KLHL29: variants seen among roughly 807,000 people sequenced by gnomAD.
KLHL29 encodes kelch like family member 29, also known as kelch-like protein 29.
Under a neutral mutation model 80.4 loss-of-function variants are expected in KLHL29, and 21 were observed. The ratio of observed to expected loss-of-function variants is 0.26; its 90% CI spans 0.19 to 0.38. The LOEUF (loss-of-function observed/expected upper bound fraction) is 0.38, where lower values mean the gene tolerates loss of function less well. Among genes scored for constraint, KLHL29 ranks in the 10% least tolerant of loss-of-function variants. The pLI is 1.00. For missense variants in KLHL29, 867 were observed against 1,223.9 expected, an observed-to-expected ratio of 0.71 and a Z score of 4.35; for synonymous variants, 511 against 526.8, an observed-to-expected ratio of 0.97 and a Z score of 0.41.
intron 3 of KLHL29, among the ~76,000 whole-genome samples, chr2:23,614,816 G>A (rs1447784142): frequency 1.3e-5 from 2 of 152,160 alleles, no homozygotes; most frequent in Admixed American, 6.5e-5. Context: ...GGCAGGGTGG[G>A]CTGGTGTGTT....
At chr2:23,467,470 A>T (rs997937271) in intron 1 of KLHL29, among the ~76,000 whole-genome samples, 1 of 152,222 alleles carries the variant, frequency 6.6e-6, no homozygotes, top group African/African-American at 2.4e-5. Flanking sequence ...ATAACTCATC[A>T]TATTTGGGTA....
At chr2:23,644,998 T>G (rs1359454270) in intron 5 of KLHL29, among the ~76,000 whole-genome samples, 2 of 152,368 alleles carry the variant, frequency 1.3e-5, no homozygotes, top group African/African-American at 4.8e-5. Context: ...AAATTCCATG[T>G]AACTCGCTTC....
At chr2:23,520,672 CA>C in intron 2 of KLHL29, among the ~76,000 whole-genome samples, 1 of 152,304 alleles carries the variant, frequency 6.6e-6, no homozygotes, top group South Asian at 2.1e-4. Context: ...TACGTACTCC[CA>C]ACACTTTAAG....
At chr2:23,595,983 CAGA>C (rs1380470178) in intron 3 of KLHL29, among the ~76,000 whole-genome samples, 3 of 152,182 alleles carry the variant, frequency 2.0e-5, no homozygotes, top group African/African-American at 4.8e-5. Context: ...AGAAGCATTC[CAGA>C]AGGTTTTCAC....
At position 23,691,889 on chromosome 2, in the gene KLHL29, G is replaced by A. The variant is rs1159233612; in HGVS notation, c.1282+13G>A. 2 of 1,546,798 alleles carry A rather than the reference G, an allele frequency of 1.3e-6. No homozygotes were observed. Among genetic ancestry groups the A allele is most frequent in the Admixed American group, 2.0e-5 (1 of 50,992 alleles). Reference sequence around the variant, plus strand: ...GTGTCCTTTCTCGGTGAGCCCGGGGGCCACATATGTCGCTTGGGGGGAAGA... The same window carrying A: ...GTGTCCTTTCTCGGTGAGCCCGGGGACCACATATGTCGCTTGGGGGGAAGA... On this transcript the variant is annotated intron_variant, in intron 7 of 13. Transcript: ENST00000486442.
In KLHL29 at chr2:23,483,140, G is replaced by GT. The variant is rs375730267; in HGVS notation, c.-46+7474dup. ...CTAGGCATTGTTGTAGGCACCGGGG[G>GT]TATCACAGTGACCATATGAGATAAA... is the stretch of plus-strand genomic sequence containing the variant. On this transcript the variant is annotated intron_variant, in intron 2 of 13. Transcript: ENST00000486442. 4.5e-3 allele frequency among the ~76,000 whole-genome samples: 691 copies of GT among 152,258 alleles called. 7 individuals are homozygous for GT. The Middle Eastern group carries it at 0.068, about 15-fold the overall frequency.
At chr2:23,620,547 T>C (rs1490262342) in intron 3 of KLHL29, among the ~76,000 whole-genome samples, 1 of 151,922 alleles carries the variant, frequency 6.6e-6, no homozygotes, top group Non-Finnish European at 1.5e-5. Flanking sequence ...AACAGGGTGG[T>C]GAGGCCAGCT....
chr2:23,386,348 C>T (rs1445043364), intron 1 of KLHL29, among the ~76,000 whole-genome samples: 1 of 152,140 alleles, frequency 6.6e-6, no homozygotes, highest in African/African-American at 2.4e-5. Context: ...TTACTCAATC[C>T]CAAGTAACTT....
At chr2:23,493,171 A>C (rs554765860) in intron 2 of KLHL29, among the ~76,000 whole-genome samples, 79 of 152,090 alleles carry the variant, frequency 5.2e-4, no homozygotes, top group African/African-American at 1.9e-3. Flanking sequence ...GTTTGCCCCA[A>C]CCTGTTCTTG....
At chr2:23,517,176 C>T (rs1021699887) in intron 2 of KLHL29, among the ~76,000 whole-genome samples, 4 of 152,290 alleles carry the variant, frequency 2.6e-5, no homozygotes, top group East Asian at 1.9e-4. Flanking sequence ...TCCTCCAGCC[C>T]GGGGGTCTGC....
At chr2:23,533,213 G>A (rs886658036) in intron 2 of KLHL29, among the ~76,000 whole-genome samples, 1 of 152,188 alleles carries the variant, frequency 6.6e-6, no homozygotes, top group Non-Finnish European at 1.5e-5. Context: ...ATGTGTGAGT[G>A]TGTGCAGATC....
rs1314638634 is a variant in KLHL29, at chr2:23,706,599, C to G, written c.2563C>G (p.His855Asp). 2.0e-5 allele frequency: 30 copies of G among 1,537,194 alleles called. No individual in the cohort carries two copies. Among genetic ancestry groups the G allele is most frequent in the Non-Finnish European group, 2.4e-5 (28 of 1,146,842 alleles). ...AACCAACACATGGACCCTCCTCCCC[C>G]ACATGCCCTGCCCTGTGTTCAGACA... is the stretch of plus-strand genomic sequence containing the variant. ...PTTNTWTLLP[H>D]MPCPVFRHGC... The change falls in exon 14 of 14, where the codon CAC becomes GAC. Residue 855 changes from histidine (H) to aspartate (D), a missense_variant. His to Asp is a moderately conservative substitution (Grantham distance 81). Coordinates refer to ENST00000486442, the MANE Select transcript of KLHL29 (RefSeq NM_052920.2).
intron 1 of KLHL29, among the ~76,000 whole-genome samples, chr2:23,410,535 G>T (rs988108876): frequency 1.3e-5 from 2 of 152,122 alleles, no homozygotes; most frequent in Admixed American, 1.3e-4. Flanking sequence ...ATGTGTGTGG[G>T]TCTGGCTTTC....
Position 23,562,055 on chromosome 2 carries a change from C to T in KLHL29, c.-45-97C>T, listed in dbSNP as rs749340253. Reference sequence around the variant, plus strand: ...CTGAAATGAGCTAATGTTTGAAGGCCTGTTATTGAACCCAGAGAAGGGGCT... The same window carrying T: ...CTGAAATGAGCTAATGTTTGAAGGCTTGTTATTGAACCCAGAGAAGGGGCT... On this transcript the variant is annotated intron_variant, in intron 2 of 13. Transcript: ENST00000486442. The surrounding 1 kb of genome is among the most constrained non-coding windows in gnomAD (Gnocchi z 4.5). 826 of 858,036 alleles carry T rather than the reference C, an allele frequency of 9.6e-4. No individual in the cohort carries two copies. The highest frequency in any genetic ancestry group is 1.4e-3 in the Non-Finnish European group (766 of 557,122). The allele number at this position is 858,036 out of a possible 1,614,324, so 53.2% of individuals were successfully genotyped here.
chr2:23,463,208 G>A (rs1192768094), intron 1 of KLHL29, among the ~76,000 whole-genome samples: 2 of 149,488 alleles, frequency 1.3e-5, no homozygotes, highest in Non-Finnish European at 3.0e-5. Flanking sequence ...CCAAGTTGAA[G>A]CAGGTGTTTT....
intron 5 of KLHL29, among the ~76,000 whole-genome samples, chr2:23,651,478 A>G (rs1268787791): frequency 6.6e-6 from 1 of 152,072 alleles, no homozygotes; most frequent in Non-Finnish European, 1.5e-5. Context: ...TTTTTCACCA[A>G]CATCAGCAAA....
intron 3 of KLHL29, among the ~76,000 whole-genome samples, chr2:23,605,162 A>AG (rs1668675568): frequency 8.0e-6 from 1 of 124,290 alleles, no homozygotes; most frequent in African/African-American, 3.1e-5. Flanking sequence ...CCCAGATTGC[A>AG]GTGCAGTGGC....
chr2:23,552,496 C>G (rs1667154692), intron 2 of KLHL29, among the ~76,000 whole-genome samples: 2 of 152,106 alleles, frequency 1.3e-5, no homozygotes, highest in African/African-American at 4.8e-5. Context: ...GGGTGAGGGT[C>G]CTTCCCATTA....
chr2:23,676,052 CAG>C (rs1670911338), intron 5 of KLHL29, among the ~76,000 whole-genome samples: 1 of 152,190 alleles, frequency 6.6e-6, no homozygotes, highest in African/African-American at 2.4e-5. Flanking sequence ...GACAGACAGA[CAG>C]ACATTCCTCT....
Sources: allele counts gnomAD v4.1 joint callset (sites outside exome capture counted in the v4.1 genomes callset), GRCh38; gene constraint gnomAD v4.1.1; non-coding constraint Gnocchi (gnomAD v3.1); transcripts MANE v1.5; gene names NCBI Gene and HGNC (gene_info 2026-07-23, HGNC 2026-07-21).